The following ESR1 variants were observed in gnomAD, a reference collection of about 807,000 sequenced individuals.
ESR1 encodes estrogen receptor 1.
Under a neutral mutation model 52.7 loss-of-function variants are expected in ESR1, and 12 were observed. The observed-to-expected ratio is 0.23, with a 90% confidence interval of 0.15 to 0.37. The LOEUF (loss-of-function observed/expected upper bound fraction) is 0.37, where lower values mean the gene tolerates loss of function less well. ESR1 is among the 10% of genes least tolerant of loss of function. The pLI is 1.00. For synonymous variants in ESR1, 305 were observed against 316.8 expected (o/e 0.96, Z 0.39); for missense variants, 584 against 779.7 (o/e 0.75, Z 2.99).
At chr6:151,946,113 G>T (rs979896395) in intron 4 of ESR1, among the ~76,000 whole-genome samples, 1 of 152,180 alleles carries the variant, frequency 6.6e-6, no homozygotes, top group African/African-American at 2.4e-5. Context: ...TAATATGGCT[G>T]TAAGTTTTTT....
intron 1 of ESR1, among the ~76,000 whole-genome samples, chr6:151,683,394 G>A (rs927601891): frequency 6.6e-6 from 1 of 151,790 alleles, no homozygotes; most frequent in African/African-American, 2.4e-5. Flanking sequence ...GGATGATAGA[G>A]GGATGTGGAT....
intron 2 of ESR1, among the ~76,000 whole-genome samples, chr6:151,763,257 C>T (rs1784792788): frequency 4.0e-5 from 6 of 151,672 alleles, no homozygotes. Flanking sequence ...CACTACCTGC[C>T]ACTCTGAGAT....
intron 5 of ESR1, among the ~76,000 whole-genome samples, chr6:152,056,320 T>C (rs185757389): frequency 6.6e-6 from 1 of 152,348 alleles, no homozygotes; most frequent in East Asian, 1.9e-4. Flanking sequence ...AGCATCTTAA[T>C]TTGTTACCTT....
At position 152,007,731 on chromosome 6, in the gene ESR1, T is replaced by C. The variant is rs768999732; in HGVS notation, c.1097-3925T>C. ...GAAGGCCACAGGCCCATGGCCCCCA[T>C]GTCATTGAGATGGAGGTCCTCAAGT... On this transcript the variant is annotated intron_variant, in intron 4 of 7. Coordinates refer to ENST00000206249, the MANE Select transcript of ESR1 (RefSeq NM_000125.4). Among the ~76,000 whole-genome samples, 23 of 152,094 alleles carry C rather than the reference T, an allele frequency of 1.5e-4. No homozygotes were observed. The South Asian group carries it at 1.7e-3, about 11-fold the overall frequency.
At chr6:152,103,840 AGCTACCT>A (rs990340129), downstream of ESR1, among the ~76,000 whole-genome samples, 9 of 152,048 alleles carry the variant, frequency 5.9e-5, no homozygotes, top group African/African-American at 2.2e-4. Context: ...CCCTTTTTGG[AGCTACCT>A]GCGTGCTTCC....
At chr6:151,763,504 C>G (rs771850967) in intron 2 of ESR1, among the ~76,000 whole-genome samples, 4 of 152,106 alleles carry the variant, frequency 2.6e-5, no homozygotes, top group Non-Finnish European at 5.9e-5. Flanking sequence ...TACATATGTG[C>G]GTCTTTTTTT....
At chr6:151,866,507 G>C (rs1168308623) in intron 2 of ESR1, among the ~76,000 whole-genome samples, 2 of 151,946 alleles carry the variant, frequency 1.3e-5, no homozygotes, top group Non-Finnish European at 2.9e-5. Flanking sequence ...GCCCCAGTGT[G>C]TGATGTTCCC....
At chr6:152,124,775 AG>A (rs1356248850) in intron 6 of ESR1, among the ~76,000 whole-genome samples, 1 of 152,250 alleles carries the variant, frequency 6.6e-6, no homozygotes, top group African/African-American at 2.4e-5. Context: ...AAAGGAAAAT[AG>A]AAACTTCTTG....
At chr6:152,049,463 A>G (rs2046494538) in intron 5 of ESR1, among the ~76,000 whole-genome samples, 1 of 152,236 alleles carries the variant, frequency 6.6e-6, no homozygotes, top group Admixed American at 6.5e-5. Flanking sequence ...ACAATTGGAC[A>G]TCATGTGACT....
At chr6:151,969,981 A>G (rs919501307) in intron 4 of ESR1, among the ~76,000 whole-genome samples, 1 of 151,598 alleles carries the variant, frequency 6.6e-6, no homozygotes, top group Non-Finnish European at 1.5e-5. Context: ...TTCTAGTGAT[A>G]TTGCCGCTGT....
chr6:152,038,514 T>C (rs1278129058), intron 5 of ESR1, among the ~76,000 whole-genome samples: 1 of 152,174 alleles, frequency 6.6e-6, no homozygotes, highest in Non-Finnish European at 1.5e-5. Flanking sequence ...GACAATAATG[T>C]CATAATTACA....
At chr6:151,722,812 A>G (rs577390822) in intron 2 of ESR1, among the ~76,000 whole-genome samples, 1 of 152,372 alleles carries the variant, frequency 6.6e-6, no homozygotes, top group Admixed American at 6.5e-5. Context: ...AATGTAGGCT[A>G]CAGGTCATCA....
At chr6:151,771,359 G>A (rs565594920) in intron 2 of ESR1, among the ~76,000 whole-genome samples, 4 of 152,214 alleles carry the variant, frequency 2.6e-5, no homozygotes, top group African/African-American at 7.2e-5. Flanking sequence ...CTTTGTCCAC[G>A]GCACTGGAAA....
intron 6 of ESR1, among the ~76,000 whole-genome samples, chr6:152,074,896 G>A (rs941249976): frequency 1.3e-5 from 2 of 152,280 alleles, no homozygotes; most frequent in East Asian, 3.9e-4. Flanking sequence ...CTGTGGTGAG[G>A]TGTCTGTTAA....
At chr6:151,926,402 A>ATC (rs917830326) in intron 3 of ESR1, among the ~76,000 whole-genome samples, 16 of 152,076 alleles carry the variant, frequency 1.1e-4, no homozygotes, top group Non-Finnish European at 1.5e-5. Context: ...TTGGATTTAG[A>ATC]TTACTCTGAA....
At position 151,736,375 on chromosome 6, in the gene ESR1, G is replaced by GTTTTTTTTTTTTTTTTTTTTTTTTTTTTT. The variant is rs10624912; in HGVS notation, c.-71+34385_-71+34386insTTTTTTTTTTTTTTTTTTTTTTTTTTTTT. On this transcript the variant is annotated intron_variant, in intron 2 of 2. Coordinates refer to the ESR1 transcript ENST00000404742. ...AAATACTTACTGTATTCCAGGTAGTGTTTTTTTTTTTTTTTGAGATGGAGT... is the reference window on the plus strand; with the variant it reads ...AAATACTTACTGTATTCCAGGTAGTGTTTTTTTTTTTTTTTTTTTTTTTTTTTTTTTTTTTTTTTTTTTTGAGATGGAGT... Among the ~76,000 whole-genome samples the GTTTTTTTTTTTTTTTTTTTTTTTTTTTTT allele has an allele frequency of 2.0e-4, 23 of 112,732 alleles. 2 individuals carry two copies. The highest frequency in any genetic ancestry group is 8.4e-4 in the African/African-American group (22 of 26,136). The allele number at this position is 112,732 out of a possible 152,430, so 74.0% of individuals were successfully genotyped here.
chr6:151,678,687 G>GTT (rs565751558), intron 1 of ESR1, among the ~76,000 whole-genome samples: 187 of 141,616 alleles, frequency 1.3e-3, no homozygotes, highest in Middle Eastern at 3.6e-3. Flanking sequence ...CAAACCACTG[G>GTT]TTTTTTTTTT....
rs2128234327 is a variant in ESR1 at position 151,842,644 on chromosome 6, G to A, written c.500G>A (p.Ser167Asn). 6.2e-7 allele frequency: 1 copy of A among 1,613,884 alleles called. No individual in the cohort carries two copies. Among genetic ancestry groups the A allele is most frequent in the Non-Finnish European group, 8.5e-7 (1 of 1,179,918 alleles). Residue 167 changes from serine to asparagine, a missense_variant, in exon 2 of 8, where the codon AGT becomes AAT. Transcript: ENST00000206249. The part of the protein sequence containing the change: ...RRQGGRERLA[S>N]TNDKGSMAME... ...CAGGGTGGCAGAGAAAGATTGGCCA[G>A]TACCAATGACAAGGGAAGTATGGCT...
intron 3 of ESR1, among the ~76,000 whole-genome samples, chr6:151,926,908 G>T (rs1254322062): frequency 6.6e-6 from 1 of 152,062 alleles, no homozygotes; most frequent in Non-Finnish European, 1.5e-5. Flanking sequence ...AATGAGATAA[G>T]ATATCTTAGA....
Sources: allele counts gnomAD v4.1 joint callset (sites outside exome capture counted in the v4.1 genomes callset), GRCh38; gene constraint gnomAD v4.1.1; transcripts MANE v1.5; gene names NCBI Gene and HGNC (gene_info 2026-07-23, HGNC 2026-07-21).